Variants in QTGAL observed in about 807,000 individuals in gnomAD.
The protein encoded by QTGAL is BGnT-like protein 1.
chr17:82,981,935 C>T, the QTGAL span, among the ~76,000 whole-genome samples: 1 of 152,256 alleles, frequency 6.6e-6, no homozygotes, highest in African/African-American at 2.4e-5. Context: ...GAAGAGAAAA[C>T]ACATTGACTA....
At chr17:83,033,067 C>A in the QTGAL span, among the ~76,000 whole-genome samples, 29 of 152,328 alleles carry the variant, frequency 1.9e-4, no homozygotes, top group African/African-American at 6.5e-4. Flanking sequence ...CAGGAATGCA[C>A]AGAAGCCCCG....
chr17:82,973,059 G>A, the QTGAL span, among the ~76,000 whole-genome samples: 2 of 152,216 alleles, frequency 1.3e-5, no homozygotes, highest in African/African-American at 4.8e-5. Flanking sequence ...GTGCTCCCGC[G>A]GCTGCCAGCC....
At chr17:83,017,031 T>C in the QTGAL span, among the ~76,000 whole-genome samples, 2 of 152,162 alleles carry the variant, frequency 1.3e-5, no homozygotes, top group East Asian at 3.9e-4. Context: ...GGCCAGTTCT[T>C]CTATGGAGTT....
At chr17:82,947,230 T>C in the QTGAL span, 40 of 503,500 alleles carry the variant, frequency 7.9e-5, no homozygotes, top group African/African-American at 7.8e-4. Context: ...CTTGCCTCTC[T>C]ACATAAGGTG....
chr17:82,968,729 G>A, the QTGAL span, among the ~76,000 whole-genome samples: 4 of 152,230 alleles, frequency 2.6e-5, no homozygotes, highest in African/African-American at 7.2e-5. Flanking sequence ...GCCGGGCGCG[G>A]TGGCTCACGT....
At chr17:83,048,652 A>G in the QTGAL span, 1 of 1,609,468 alleles carries the variant, frequency 6.2e-7, no homozygotes, top group South Asian at 1.1e-5. Context: ...GTCACCCGAC[A>G]GGAAGTTCCT....
chr17:83,000,054 C>T, the QTGAL span, among the ~76,000 whole-genome samples: 1 of 152,172 alleles, frequency 6.6e-6, no homozygotes, highest in African/African-American at 2.4e-5. Context: ...CCTCTGCCAC[C>T]TGGGTTCAAG....
the QTGAL span, among the ~76,000 whole-genome samples, chr17:82,968,381 C>T: frequency 7.9e-5 from 12 of 152,186 alleles, no homozygotes; most frequent in Non-Finnish European, 2.9e-5. Context: ...AGATGTCTGT[C>T]GGCAACAGGG....
chr17:82,998,245 TAC>T, the QTGAL span, among the ~76,000 whole-genome samples: 1 of 152,136 alleles, frequency 6.6e-6, no homozygotes, highest in Non-Finnish European at 1.5e-5. Flanking sequence ...TATACGTACT[TAC>T]TATGTACCCA....
At chr17:82,948,164 G>T in the QTGAL span, 1 of 152,228 alleles carries the variant, frequency 6.6e-6, no homozygotes, top group East Asian at 1.9e-4. Flanking sequence ...CGCCAGAGAG[G>T]AAGGAACTCC....
chr17:83,029,758 G>C, the QTGAL span, among the ~76,000 whole-genome samples: 2 of 152,174 alleles, frequency 1.3e-5, no homozygotes, highest in Non-Finnish European at 2.9e-5. Flanking sequence ...CCTCGGCTGA[G>C]AGGAAAATGC....
At chr17:83,032,543 C>G in the QTGAL span, among the ~76,000 whole-genome samples, 1 of 151,614 alleles carries the variant, frequency 6.6e-6, no homozygotes, top group Non-Finnish European at 1.5e-5. Context: ...CCGACCCAGA[C>G]TGAGCTCAGG....
At chr17:82,949,132 G>A in the QTGAL span, 9 of 152,288 alleles carry the variant, frequency 5.9e-5, no homozygotes, top group East Asian at 3.9e-4. Context: ...TTAAGGGCAC[G>A]AGGCAGGTGC....
the QTGAL span, chr17:82,943,571 C>A: frequency 6.6e-6 from 1 of 152,256 alleles, no homozygotes; most frequent in Non-Finnish European, 1.5e-5. Flanking sequence ...CATGGGCAGG[C>A]CGAGAACTGG....
the QTGAL span, among the ~76,000 whole-genome samples, chr17:82,958,637 T>C: frequency 3.3e-5 from 5 of 152,230 alleles, no homozygotes; most frequent in Admixed American, 2.6e-4. Context: ...GTCCCCTCTG[T>C]CAGCTCAGGG....
chr17:82,970,626 TGGCCGC>T, the QTGAL span, among the ~76,000 whole-genome samples: 21 of 100,388 alleles, frequency 2.1e-4, 2 homozygotes, highest in Admixed American at 3.4e-4. Flanking sequence ...CCACCCGGCG[TGGCCGC>T]GACCTCCGCA....
the QTGAL span, among the ~76,000 whole-genome samples, chr17:83,029,952 C>A: frequency 2.0e-5 from 3 of 152,188 alleles, no homozygotes; most frequent in Non-Finnish European, 4.4e-5. Context: ...CCTTTCTTGA[C>A]CTACAACTGT....
the QTGAL span, among the ~76,000 whole-genome samples, chr17:82,984,018 G>A: frequency 7.3e-6 from 1 of 137,928 alleles, no homozygotes; most frequent in Non-Finnish European, 1.6e-5. Flanking sequence ...TGAGGACGTG[G>A]GGGAGGGGAG....
At chr17:82,979,855 T>C in the QTGAL span, among the ~76,000 whole-genome samples, 1 of 152,192 alleles carries the variant, frequency 6.6e-6, no homozygotes, top group Admixed American at 6.5e-5. Flanking sequence ...ATCAAGATGA[T>C]GTTACTGGTG....
Sources: gnomAD v4.1 joint callset for allele counts (sites outside exome capture counted in the v4.1 genomes callset) on GRCh38, gnomAD v4.1.1 for gene constraint, MANE v1.5 for transcripts, NCBI Gene and HGNC (gene_info 2026-07-23, HGNC 2026-07-21) for gene names.